Variants in TRPM7 observed in about 807,000 individuals in gnomAD.
TRPM7 encodes the protein transient receptor potential cation channel subfamily M member 7.
A neutral mutation model predicts 229.7 loss-of-function variants in TRPM7; 134 were observed. That is an observed-to-expected ratio of 0.58 (90% CI 0.51 to 0.67). TRPM7 has a LOEUF of 0.67. TRPM7 is among the 30% of genes least tolerant of loss of function. The pLI, the probability that TRPM7 is intolerant of heterozygous loss-of-function variation, is 0.00. For missense variants in TRPM7, 1,901 were observed against 2,210.0 expected (o/e 0.86, Z 2.80); for synonymous variants, 699 against 715.2 (o/e 0.98, Z 0.36).
At position 50,569,863 on chromosome 15, in the gene TRPM7, TATACTG is replaced by T. The variant is rs751111923; in HGVS notation, c.5467+18_5467+23del. 1 of 1,516,588 alleles carries T rather than the reference TATACTG, an allele frequency of 6.6e-7. No individual in the cohort carries two copies. Among genetic ancestry groups the T allele is most frequent in the East Asian group, 2.3e-5 (1 of 44,294 alleles). The allele number at this position is 1,516,588 out of a possible 1,614,324, so 93.9% of individuals were successfully genotyped here. The stretch of plus-strand genomic sequence containing the variant: ...CCAAGTTTCGTAACAATTTATATAC[TATACTG>T]ATTAAGAAATTTTTTACCTGGAAGT... On this transcript the variant is annotated intron_variant, in intron 38 of 38. Transcript: ENST00000646667.
Position 50,612,287 on chromosome 15 carries a change from G to T in TRPM7, c.2051+262C>A, listed in dbSNP as rs1438652626. Among the ~76,000 whole-genome samples, 5 of 152,062 alleles carry T rather than the reference G, an allele frequency of 3.3e-5. No individual in the cohort carries two copies. In the East Asian group the frequency reaches 9.6e-4, roughly 29 times the overall value. ...TAAATTTCATGTAGAGACGGGGTCT[G>T]CCTATGTTGCCCAGGCTGCATTTCT... On this transcript the variant is annotated intron_variant, in intron 16 of 38. Coordinates refer to ENST00000646667, the MANE Select transcript of TRPM7 (RefSeq NM_017672.6).
rs141637502 is a variant in TRPM7, at chr15:50,575,655, C to G, written c.4735+69G>C. 1,178 of 1,347,106 alleles carry G rather than the reference C, an allele frequency of 8.7e-4. 8 individuals carry two copies. The African/African-American group carries it at 0.015, about 17-fold the overall frequency. The allele number at this position is 1,347,106 out of a possible 1,614,324, so 83.4% of individuals were successfully genotyped here. A position where few individuals can be genotyped will look rare whatever the true frequency, so the allele number is the denominator to read the frequency against. On this transcript the variant is annotated intron_variant, in intron 33 of 38. Coordinates refer to ENST00000646667, the MANE Select transcript of TRPM7 (RefSeq NM_017672.6). ...TTCTTAATGTAATCCCACCCACATT[C>G]TATATTATAGCTAAAAATCATTAAA... is the stretch of plus-strand genomic sequence containing the variant.
intron 1 of TRPM7, among the ~76,000 whole-genome samples, chr15:50,676,241 T>C (rs1213917286): frequency 6.6e-6 from 1 of 151,998 alleles, no homozygotes; most frequent in African/African-American, 2.4e-5. Flanking sequence ...CTAGCAAAAA[T>C]TGGGGGAAAA....
intron 21 of TRPM7, among the ~76,000 whole-genome samples, chr15:50,603,386 A>G (rs2059831197): frequency 6.6e-6 from 1 of 151,890 alleles, no homozygotes; most frequent in Non-Finnish European, 1.5e-5. Flanking sequence ...TTACATATGT[A>G]TACATGTGCC....
intron 4 of TRPM7, among the ~76,000 whole-genome samples, chr15:50,646,736 GATTA>G (rs2061276006): frequency 6.6e-6 from 1 of 152,094 alleles, no homozygotes; most frequent in Non-Finnish European, 1.5e-5. Context: ...AGTGGTAAAG[GATTA>G]ATTTACAGTA....
chr15:50,609,632 T>C lies in TRPM7; in HGVS notation c.2529A>G (p.Arg843=), dbSNP rs762739056. The stretch of plus-strand genomic sequence containing the variant: ...GTGCATGATAAAAGGCATAAAACTT[T>C]CGCGTAATTGGAAGCTTTTTTGATT... ...QMKSKKLPIT[R]KFYAFYHAPI... is the part of the protein sequence containing the mutation. The change falls in exon 19 of 39, where the codon CGA becomes CGG. Residue 843 remains arginine, a synonymous_variant. Transcript: ENST00000646667. The C allele has an allele frequency of 2.5e-6, 4 of 1,612,532 alleles. No homozygotes were observed. Among genetic ancestry groups the C allele is most frequent in the African/African-American group, 1.3e-5 (1 of 74,878 alleles).
At chr15:50,623,708 A>T (rs1178193728) in intron 12 of TRPM7, among the ~76,000 whole-genome samples, 1 of 152,076 alleles carries the variant, frequency 6.6e-6, no homozygotes, top group East Asian at 1.9e-4. Flanking sequence ...GAGAATAGTA[A>T]GTTTTCAGGA....
intron 38 of TRPM7, among the ~76,000 whole-genome samples, chr15:50,563,566 G>A (rs541957378): frequency 3.9e-5 from 6 of 152,204 alleles, no homozygotes; most frequent in Non-Finnish European, 5.9e-5. Context: ...TGGCTATGAA[G>A]GGCAAGGGAA....
At chr15:50,607,125 C>T (rs1367967758) in intron 20 of TRPM7, 75 bp downstream of exon 20, 2 of 1,391,372 alleles carry the variant, frequency 1.4e-6, no homozygotes, top group Non-Finnish European at 2.0e-6. Context: ...CCTACGTATA[C>T]ACCCAAAACA....
chr15:50,624,115 A>G, intron 12 of TRPM7, 51 bp downstream of exon 12: 1 of 1,546,572 alleles, frequency 6.5e-7, no homozygotes, highest in Non-Finnish European at 8.7e-7. Flanking sequence ...GTAAAGTAAC[A>G]TTTCCCAAAA....
At chr15:50,640,164 A>C (rs1465652877) in intron 5 of TRPM7, among the ~76,000 whole-genome samples, 1 of 152,114 alleles carries the variant, frequency 6.6e-6, no homozygotes, top group African/African-American at 2.4e-5. Context: ...ACCATACGCA[A>C]AACACACACA....
chr15:50,685,625 T>C (rs1404680544), intron 1 of TRPM7, among the ~76,000 whole-genome samples: 1 of 151,910 alleles, frequency 6.6e-6, no homozygotes, highest in Non-Finnish European at 1.5e-5. Flanking sequence ...AGAGGGAGAG[T>C]TGTTTGCATA....
intron 2 of TRPM7, among the ~76,000 whole-genome samples, chr15:50,662,159 C>G (rs1304291936): frequency 6.6e-6 from 1 of 152,106 alleles, no homozygotes; most frequent in Non-Finnish European, 1.5e-5. Flanking sequence ...TTGAACCATC[C>G]TGGCTAACAT....
Position 50,574,844 on chromosome 15 carries a change from A to G in TRPM7, c.5019+8T>C. ...ATGTTCCACTATTAAATATTCACTG[A>G]CACTTACTCTCAGACAGAGATGCAG... On this transcript the variant is annotated splice_region_variant and intron_variant, in intron 34 of 38. Coordinates refer to ENST00000646667, the MANE Select transcript of TRPM7 (RefSeq NM_017672.6). 6.2e-7 allele frequency: 1 copy of G among 1,604,668 alleles called. No homozygotes were observed. The highest frequency in any genetic ancestry group is 8.5e-7 in the Non-Finnish European group (1 of 1,175,640).
At chr15:50,608,784 G>T (rs545962489) in intron 19 of TRPM7, among the ~76,000 whole-genome samples, 13 of 152,232 alleles carry the variant, frequency 8.5e-5, no homozygotes, top group African/African-American at 3.1e-4. Context: ...CTTCATTAAG[G>T]GTTTTCCTAT....
intron 36 of TRPM7, among the ~76,000 whole-genome samples, chr15:50,572,549 CA>C (rs1425267960): frequency 1.3e-5 from 2 of 152,106 alleles, no homozygotes; most frequent in Non-Finnish European, 2.9e-5. Flanking sequence ...ACTGCAAATC[CA>C]AAAAATTCAT....
intron 19 of TRPM7, among the ~76,000 whole-genome samples, chr15:50,608,038 G>A (rs1274685724): frequency 4.6e-5 from 6 of 129,124 alleles, no homozygotes; most frequent in Non-Finnish European, 7.9e-5. Context: ...CTGGGCAACA[G>A]AGCGAGACTC....
rs777550285 is a variant in TRPM7 at position 50,648,824 on chromosome 15, A to G, written c.184T>C (p.Tyr62His). 11 of 1,613,070 alleles carry G rather than the reference A, an allele frequency of 6.8e-6. No homozygotes were observed. In the South Asian group the frequency reaches 8.8e-5, roughly 13 times the overall value. ...TGGTCACCCAATTTCACATCTGAGT[A>G]TTTCATGGCAAGACTTGCAGTAAAA... is the stretch of plus-strand genomic sequence containing the variant. Reference protein sequence around the residue: ...ACFTASLAMKYSDVKLGDHFN... With the variant: ...ACFTASLAMKHSDVKLGDHFN... The change falls in exon 4 of 39, where the codon TAC becomes CAC. Residue 62 changes from tyrosine (Y) to histidine (H), a missense_variant. This residue lies in a region of TRPM7 where 794 missense variants were observed against 881.9 expected (regional missense o/e 0.90). Transcript: ENST00000646667.
chr15:50,662,351 A>G (rs997089193), intron 2 of TRPM7, among the ~76,000 whole-genome samples: 10 of 152,020 alleles, frequency 6.6e-5, no homozygotes, highest in Non-Finnish European at 1.2e-4. Context: ...GGTAAAAAGA[A>G]TAATTTTGGC....
Sources: allele counts gnomAD v4.1 joint callset (sites outside exome capture counted in the v4.1 genomes callset), GRCh38; gene constraint gnomAD v4.1.1; regional missense constraint gnomAD v4.1.1; transcripts MANE v1.5; gene names NCBI Gene and HGNC (gene_info 2026-07-23, HGNC 2026-07-21).